The following DNAJC13 variants were observed in gnomAD, a reference collection of about 807,000 sequenced individuals.
DNAJC13 encodes DnaJ heat shock protein family (Hsp40) member C13.
Under a neutral mutation model 290.5 loss-of-function variants are expected in DNAJC13, and 75 were observed. The ratio of observed to expected loss-of-function variants is 0.26; its 90% CI spans 0.21 to 0.31. The LOEUF is 0.31. Ranked by LOEUF, DNAJC13 falls within the 10% of genes least tolerant of loss-of-function variation. The pLI is 1.00. For synonymous variants in DNAJC13, 862 were observed against 892.0 expected, an observed-to-expected ratio of 0.97 and a Z score of 0.60; for missense variants, 2,260 against 2,674.5, an observed-to-expected ratio of 0.85 and a Z score of 3.42.
At chr3:132,480,619 G>A (rs543656076) in intron 26 of DNAJC13, 149 bp downstream of exon 26, 3 of 587,336 alleles carry the variant, frequency 5.1e-6, no homozygotes, top group Admixed American at 3.3e-5. Flanking sequence ...TCACACAGAA[G>A]ATGTGAAACC....
At chr3:132,477,740 C>A in intron 22 of DNAJC13, 49 bp from the exon 23 acceptor site, 1 of 1,431,880 alleles carries the variant, frequency 7.0e-7, no homozygotes, top group Non-Finnish European at 9.6e-7. Context: ...TAGAAATTGC[C>A]AAAATCTATT....
rs578138020 is a variant in DNAJC13, at chr3:132,519,536, A to T, written c.5673+2720A>T. On this transcript the variant is annotated intron_variant, in intron 48 of 55. Transcript: ENST00000260818. ...AGGTATGATTTTCAAGTATTTTTTC[A>T]CATTTTCCTGATTGTTTCTCCACTT... is the stretch of plus-strand genomic sequence containing the variant. 2.8e-3 allele frequency among the ~76,000 whole-genome samples: 415 copies of T among 145,954 alleles called. 2 individuals carry two copies. Among genetic ancestry groups the T allele is most frequent in the African/African-American group, 0.01 (403 of 39,602 alleles).
At position 132,473,244 on chromosome 3, in the gene DNAJC13, T is replaced by C; in HGVS notation, c.2291+17T>C. 6.6e-7 allele frequency: 1 copy of C among 1,522,940 alleles called. No individual in the cohort carries two copies. The highest frequency in any genetic ancestry group is 9.0e-7 in the Non-Finnish European group (1 of 1,110,862). 94.3% of individuals were successfully genotyped at this position (1,522,940 alleles called of 1,614,324 possible). A position where few individuals can be genotyped will look rare whatever the true frequency, so the allele number is the denominator to read the frequency against. ...CTATTATAGGTAAACTTTAGGTCTCTTTTCCAATAAAGATTAAATTTAGTA... is the reference window on the plus strand; with the variant it reads ...CTATTATAGGTAAACTTTAGGTCTCCTTTCCAATAAAGATTAAATTTAGTA... On this transcript the variant is annotated intron_variant, in intron 21 of 55. Transcript: ENST00000260818.
At chr3:132,423,580 A>T (rs1939017429) in intron 1 of DNAJC13, among the ~76,000 whole-genome samples, 1 of 152,228 alleles carries the variant, frequency 6.6e-6, no homozygotes, top group Non-Finnish European at 1.5e-5. Flanking sequence ...CTTAATTTTA[A>T]AAGTGAAACT....
chr3:132,475,261 AT>A (rs1934432859), intron 22 of DNAJC13, among the ~76,000 whole-genome samples, 176 bp downstream of exon 22: 1 of 152,188 alleles, frequency 6.6e-6, no homozygotes, highest in Admixed American at 6.5e-5. Flanking sequence ...AAATAAAAAA[AT>A]TTTGTTTAGT....
intron 42 of DNAJC13, among the ~76,000 whole-genome samples, chr3:132,506,045 C>CTTTTTTTTGTTT (rs1935574307): frequency 1.4e-5 from 1 of 72,646 alleles, no homozygotes; most frequent in African/African-American, 4.3e-5. Context: ...TGTACATTAT[C>CTTTTTTTTGTTT]TTTTTTTTTT....
intron 20 of DNAJC13, among the ~76,000 whole-genome samples, chr3:132,472,117 T>A (rs969353428): frequency 3.0e-4 from 43 of 142,098 alleles, no homozygotes; most frequent in South Asian, 1.8e-3. Context: ...GTGCCTGCAA[T>A]GGCAGGCACT....
Position 132,514,655 on chromosome 3 carries a change from C to T in DNAJC13, c.5470C>T (p.His1824Tyr), listed in dbSNP as rs763095414. The change falls in exon 46 of 56, where the codon CAT (histidine) becomes TAT (tyrosine). Residue 1824 changes from histidine (H) to tyrosine (Y), a missense_variant. Transcript: ENST00000260818. ...TTTGTCCAGTTTATTGGCTCTTCTA[C>T]ATTCATTGCCATCAAGTATGTATAC... Reference protein sequence around the residue: ...MVLSSLLALLHSLPSSRQLVL... With the variant: ...MVLSSLLALLYSLPSSRQLVL... 12 of 1,609,534 alleles carry T rather than the reference C, an allele frequency of 7.5e-6. No homozygotes were observed. In the South Asian group the frequency reaches 1.3e-4, roughly 18 times the overall value.
In DNAJC13 at chr3:132,523,483, C is replaced by A. The variant is rs1262054330; in HGVS notation, c.5887-57C>A. On this transcript the variant is annotated intron_variant, in intron 50 of 55. Coordinates refer to ENST00000260818, the MANE Select transcript of DNAJC13 (RefSeq NM_015268.4). The stretch of plus-strand genomic sequence containing the variant: ...ATAAACAATTCTTTAATATGGTGTG[C>A]ATTTCTAGCTTCAAGATTATTAAGT... 2.6e-6 allele frequency: 4 copies of A among 1,544,090 alleles called. No individual in the cohort carries two copies. The Admixed American group carries it at 7.7e-5, about 30-fold the overall frequency.
rs1482931274 is a variant in DNAJC13 at position 132,492,489 on chromosome 3, T to C, written c.3699T>C (p.Leu1233=). ...TPRLQSNTRA[L]YQYCPIPIIN... is the part of the protein sequence containing the mutation. ...GTCTTCAGAGTAACACAAGAGCACTTTATCAGTATTGCCCCATTCCTATAA... is the reference window on the plus strand; with the variant it reads ...GTCTTCAGAGTAACACAAGAGCACTCTATCAGTATTGCCCCATTCCTATAA... The change falls in exon 33 of 56, where the codon CTT becomes CTC. Residue 1233 remains leucine, a synonymous_variant. Coordinates refer to ENST00000260818, the MANE Select transcript of DNAJC13 (RefSeq NM_015268.4). The C allele has an allele frequency of 6.2e-7, 1 of 1,613,868 alleles. No homozygotes were observed. The highest frequency in any genetic ancestry group is 1.1e-5 in the South Asian group (1 of 91,074).
At chr3:132,432,756 A>C (rs914331691) in intron 1 of DNAJC13, among the ~76,000 whole-genome samples, 10 of 152,206 alleles carry the variant, frequency 6.6e-5, no homozygotes, top group African/African-American at 2.2e-4. Flanking sequence ...TGAATATTGT[A>C]CATAATGTGG....
chr3:132,503,451 A>G lies in DNAJC13; in HGVS notation c.4884+70A>G, dbSNP rs953902296. On this transcript the variant is annotated intron_variant, in intron 41 of 55. Transcript: ENST00000260818. ...ATCCTTTAAGCAGTAAAGTAGTACA[A>G]TAATATTGATCTAGGGAACCTAAAA... The G allele has an allele frequency of 1.4e-5, 22 of 1,537,782 alleles. No homozygotes were observed. The African/African-American group carries it at 1.9e-4, about 13-fold the overall frequency.
At chr3:132,452,413 G>T (rs1243485632) in intron 6 of DNAJC13, among the ~76,000 whole-genome samples, 1 of 152,134 alleles carries the variant, frequency 6.6e-6, no homozygotes, top group Non-Finnish European at 1.5e-5. Flanking sequence ...AATAAAACCA[G>T]GTTCTTAAAC....
At chr3:132,488,955 A>G (rs972645492) in intron 30 of DNAJC13, 21 bp from the exon 31 acceptor site, 3 of 1,575,064 alleles carry the variant, frequency 1.9e-6, no homozygotes, top group African/African-American at 1.3e-5. Context: ...TATCTGATAG[A>G]TAATTCATTT....
intron 36 of DNAJC13, among the ~76,000 whole-genome samples, chr3:132,498,530 T>C (rs1935307575): frequency 6.6e-6 from 1 of 152,142 alleles, no homozygotes. Context: ...CCAAGTGCAG[T>C]TAATTTACCA....
chr3:132,468,138 T>C (rs935911204), intron 20 of DNAJC13, among the ~76,000 whole-genome samples: 1 of 152,222 alleles, frequency 6.6e-6, no homozygotes, highest in African/African-American at 2.4e-5. Flanking sequence ...TTCTTCAGCA[T>C]GCAGTGTGTT....
chr3:132,530,695 G>C (rs546470189), intron 54 of DNAJC13, among the ~76,000 whole-genome samples: 1 of 152,294 alleles, frequency 6.6e-6, no homozygotes, highest in East Asian at 1.9e-4. Flanking sequence ...ACTGTCACAA[G>C]AAAATACTCT....
chr3:132,445,112 G>T (rs1214879808), intron 2 of DNAJC13, among the ~76,000 whole-genome samples: 2 of 151,946 alleles, frequency 1.3e-5, no homozygotes, highest in East Asian at 3.9e-4. Context: ...TACTTTTATT[G>T]TATTACCTTT....
In DNAJC13 at chr3:132,538,209, C is replaced by T. The variant is rs771067987; in HGVS notation, c.6659C>T (p.Thr2220Ile). Reference sequence around the variant, plus strand: ...GTTGCTGGCTACCTTACCGCAGGTACATCTACATCAGTCATGTCTAACCTG... The same window carrying T: ...GTTGCTGGCTACCTTACCGCAGGTATATCTACATCAGTCATGTCTAACCTG... The part of the protein sequence containing the change: ...PGVAGYLTAG[T>I]STSVMSNLPP... Residue 2220 changes from threonine to isoleucine, a missense_variant, in exon 56 of 56, where the codon ACA becomes ATA. Thr to Ile is a moderately conservative substitution (Grantham distance 89). Coordinates refer to ENST00000260818, the MANE Select transcript of DNAJC13 (RefSeq NM_015268.4). The T allele has an allele frequency of 1.9e-6, 3 of 1,613,948 alleles. No homozygotes were observed. The highest frequency in any genetic ancestry group is 3.3e-5 in the Admixed American group (2 of 60,014).
Sources: allele counts gnomAD v4.1 joint callset (sites outside exome capture counted in the v4.1 genomes callset), GRCh38; gene constraint gnomAD v4.1.1; transcripts MANE v1.5; gene names NCBI Gene and HGNC (gene_info 2026-07-23, HGNC 2026-07-21).